MAN1C1: variants seen among roughly 807,000 people sequenced by gnomAD.
The protein encoded by MAN1C1 is mannosidase alpha class 1C member 1.
In MAN1C1, 49 loss-of-function variants were observed where a neutral mutation model predicts 71.5. The observed-to-expected ratio is 0.69, with a 90% CI of 0.54 to 0.87. MAN1C1 has a LOEUF of 0.87. Ranked by LOEUF, MAN1C1 falls within the 40% of genes least tolerant of loss-of-function variation. The probability of loss-of-function intolerance (pLI) is 0.00; values close to 1 mark genes in which losing one functional copy is unlikely to be tolerated. For missense variants in MAN1C1, 743 were observed against 835.0 expected, an observed-to-expected ratio of 0.89 and a Z score of 1.36; for synonymous variants, 352 against 343.7, an observed-to-expected ratio of 1.02 and a Z score of -0.27.
rs532429575 is a variant in MAN1C1 at position 25,644,375 on chromosome 1, G to A, written c.540+26038G>A. On this transcript the variant is annotated intron_variant, in intron 1 of 11. Transcript: ENST00000374332. ...TGGGAGACTGTGAGACATCTTGGAA[G>A]GGGGAGAGGAGTTTAATGCTAGGCG... is the stretch of plus-strand genomic sequence containing the variant. Among the ~76,000 whole-genome samples the A allele has an allele frequency of 8.6e-5, 13 of 151,530 alleles. No individual in the cohort carries two copies. The South Asian group carries it at 2.7e-3, about 32-fold the overall frequency.
chr1:25,671,544 A>G (rs1324982426), intron 1 of MAN1C1, among the ~76,000 whole-genome samples: 1 of 152,230 alleles, frequency 6.6e-6, no homozygotes, highest in Non-Finnish European at 1.5e-5. Context: ...AGGGGGCCGT[A>G]GGAGGATAGT....
intron 1 of MAN1C1, among the ~76,000 whole-genome samples, chr1:25,664,239 T>G (rs934014650): frequency 6.6e-6 from 1 of 151,658 alleles, no homozygotes; most frequent in African/African-American, 2.4e-5. Flanking sequence ...ATCCTGGCTT[T>G]TAAAATGTTC....
At position 25,730,458 on chromosome 1, in the gene MAN1C1, C is replaced by T. The variant is rs2046893586; in HGVS notation, c.638-16210C>T. Among the ~76,000 whole-genome samples, 1 of 151,512 alleles carries T rather than the reference C, an allele frequency of 6.6e-6. No homozygotes were observed. The highest frequency in any genetic ancestry group is 1.5e-5 in the Non-Finnish European group (1 of 67,950). ...CCTCGAAAACCTTAGCTGAGAATGA[C>T]AAATACTAGGGGCTTTAATTGTTCA... On this transcript the variant is annotated intron_variant, in intron 2 of 11. Coordinates refer to ENST00000374332, the MANE Select transcript of MAN1C1 (RefSeq NM_020379.4). This position sits in a 1 kb window ranked among gnomAD's most constrained non-coding sequence, Gnocchi z 4.3.
intron 2 of MAN1C1, among the ~76,000 whole-genome samples, chr1:25,702,992 C>T (rs1418967716): frequency 6.6e-6 from 1 of 152,208 alleles, no homozygotes; most frequent in Non-Finnish European, 1.5e-5. Context: ...ATCAGAATTG[C>T]CTGCAGGGCT....
intron 2 of MAN1C1, among the ~76,000 whole-genome samples, chr1:25,706,954 G>A (rs1407120679): frequency 6.6e-6 from 1 of 152,234 alleles, no homozygotes; most frequent in Non-Finnish European, 1.5e-5. Context: ...AGGGGCTGTA[G>A]GATTCCCACC....
intron 4 of MAN1C1, among the ~76,000 whole-genome samples, chr1:25,749,782 G>A (rs1405161400): frequency 6.6e-6 from 1 of 152,186 alleles, no homozygotes; most frequent in African/African-American, 2.4e-5. Flanking sequence ...TTTCACAAGT[G>A]TTGGTTCTTA....
At chr1:25,706,957 T>A (rs1033689637) in intron 2 of MAN1C1, among the ~76,000 whole-genome samples, 4 of 152,212 alleles carry the variant, frequency 2.6e-5, no homozygotes, top group African/African-American at 9.7e-5. Context: ...GGCTGTAGGA[T>A]TCCCACCTTA....
At chr1:25,742,852 G>A (rs1271372999) in intron 2 of MAN1C1, among the ~76,000 whole-genome samples, 2 of 152,246 alleles carry the variant, frequency 1.3e-5, no homozygotes, top group East Asian at 1.9e-4. Flanking sequence ...CCAAAGGTCC[G>A]AACCCTCCCA....
intron 2 of MAN1C1, among the ~76,000 whole-genome samples, chr1:25,734,987 T>G (rs2046961477): frequency 6.6e-6 from 1 of 152,118 alleles, no homozygotes; most frequent in Non-Finnish European, 1.5e-5. Context: ...TTGAGACGTG[T>G]GGGGACATTG....
At chr1:25,737,408 G>A (rs1022023343) in intron 2 of MAN1C1, among the ~76,000 whole-genome samples, 20 of 151,912 alleles carry the variant, frequency 1.3e-4, no homozygotes, top group African/African-American at 3.4e-4. Context: ...TCGCCCCCCC[G>A]ACAGGGATTT....
chr1:25,617,079 A>T lies in MAN1C1; in HGVS notation c.-719A>T, dbSNP rs1302612961. ...CCCAGCCGCGGCTCCGGACCCAGGC[A>T]TCCCTGCGCTGTCTGGGGCCCGGGG... is the stretch of plus-strand genomic sequence containing the variant. On this transcript the variant is annotated 5_prime_UTR_variant, in exon 1 of 12. Coordinates refer to ENST00000374332, the MANE Select transcript of MAN1C1 (RefSeq NM_020379.4). This position sits in a 1 kb window ranked among gnomAD's most constrained non-coding sequence, Gnocchi z 5.1. 6.6e-6 allele frequency among the ~76,000 whole-genome samples: 1 copy of T among 151,866 alleles called. No homozygotes were observed. The highest frequency in any genetic ancestry group is 2.4e-5 in the African/African-American group (1 of 41,396).
rs774931144 is a variant in MAN1C1 at position 25,753,421 on chromosome 1, T to C, written c.835-63T>C. On this transcript the variant is annotated intron_variant, in intron 4 of 11. Coordinates refer to ENST00000374332, the MANE Select transcript of MAN1C1 (RefSeq NM_020379.4). This position sits in a 1 kb window ranked among gnomAD's most constrained non-coding sequence, Gnocchi z 4.9. ...GGGGGTTCATCCTGCCTGCAGCAGT[T>C]CTGGGGTTGACCTTCCCTCACCCAG... The C allele has an allele frequency of 6.1e-6, 8 of 1,305,304 alleles. No homozygotes were observed. The highest frequency in any genetic ancestry group is 2.9e-5 in the African/African-American group (2 of 67,898). 80.9% of individuals were successfully genotyped at this position (1,305,304 alleles called of 1,614,324 possible).
chr1:25,711,382 C>T lies in MAN1C1; in HGVS notation c.637+24846C>T, dbSNP rs1216606761. On this transcript the variant is annotated intron_variant, in intron 2 of 11. Coordinates refer to ENST00000374332, the MANE Select transcript of MAN1C1 (RefSeq NM_020379.4). The surrounding 1 kb of genome is among the most constrained non-coding windows in gnomAD (Gnocchi z 4.3). ...TTTTTGCCTTCTATCACACCAGACT[C>T]CTTCCCACTCAGACATCTCTAAAGT... 6.6e-6 allele frequency among the ~76,000 whole-genome samples: 1 copy of T among 152,144 alleles called. No homozygotes were observed. Among genetic ancestry groups the T allele is most frequent in the Admixed American group, 6.5e-5 (1 of 15,270 alleles).
At chr1:25,649,005 C>T (rs944410040) in intron 1 of MAN1C1, among the ~76,000 whole-genome samples, 8 of 152,366 alleles carry the variant, frequency 5.3e-5, no homozygotes, top group Non-Finnish European at 8.8e-5. Context: ...CTGTCAGCAA[C>T]TGAACAGGGG....
intron 4 of MAN1C1, among the ~76,000 whole-genome samples, chr1:25,751,659 C>T (rs2047218004): frequency 6.6e-6 from 1 of 152,258 alleles, no homozygotes; most frequent in South Asian, 2.1e-4. Context: ...CCTCCCTGAG[C>T]CAGATGCCAT....
At position 25,783,962 on chromosome 1, in the gene MAN1C1, A is replaced by G. The variant is rs1188152441; in HGVS notation, c.*173A>G. On this transcript the variant is annotated 3_prime_UTR_variant, in exon 12 of 12. Transcript: ENST00000374332. ...GTGAGGAGACAAGACTTGGAGACTC[A>G]GCGATGTCAGGCCAGGGCCATGGCC... The G allele has an allele frequency of 4.8e-6, 4 of 838,760 alleles. No homozygotes were observed. The highest frequency in any genetic ancestry group is 1.8e-5 in the South Asian group (1 of 54,908). The allele number at this position is 838,760 out of a possible 1,614,324, so 52.0% of individuals were successfully genotyped here.
chr1:25,720,898 T>G (rs2046753731), intron 2 of MAN1C1, among the ~76,000 whole-genome samples: 1 of 152,248 alleles, frequency 6.6e-6, no homozygotes, highest in Admixed American at 6.5e-5. Context: ...GGATATCCAA[T>G]TGTTCCAGCA....
At position 25,778,225 on chromosome 1, in the gene MAN1C1, G is replaced by A. The variant is rs753090086; in HGVS notation, c.1378G>A (p.Ala460Thr). The A allele has an allele frequency of 2.0e-5, 33 of 1,613,900 alleles. 1 individual carries two copies. The East Asian group carries it at 6.7e-4, about 33-fold the overall frequency. The change falls in exon 9 of 12, where the codon GCC becomes ACC. Residue 460 changes from alanine (A) to threonine (T), a missense_variant. Transcript: ENST00000374332. The surrounding 1 kb of genome is among the most constrained non-coding windows in gnomAD (Gnocchi z 5.5). ...HLACFSGGMI[A>T]LGAEDAKEEK... The stretch of plus-strand genomic sequence containing the variant: ...GGCCTGTTTCTCCGGGGGCATGATC[G>A]CCCTTGGCGCCGAGGATGCCAAGGA...
Position 25,782,518 on chromosome 1 carries a change from C to T in MAN1C1, c.1651-67C>T. On this transcript the variant is annotated intron_variant, in intron 10 of 11. Transcript: ENST00000374332. The surrounding 1 kb of genome is among the most constrained non-coding windows in gnomAD (Gnocchi z 4.4). ...CTAGCTCCAGCCTGCCAGGCATGCA[C>T]AAGTCTTGAGGGGCCTTTCCTGTCC... 1 of 1,083,716 alleles carries T rather than the reference C, an allele frequency of 9.2e-7. No individual in the cohort carries two copies. Among genetic ancestry groups the T allele is most frequent in the South Asian group, 1.3e-5 (1 of 77,458 alleles). The allele number at this position is 1,083,716 out of a possible 1,614,324, so 67.1% of individuals were successfully genotyped here. A position where few individuals can be genotyped will look rare whatever the true frequency, so the allele number is the denominator to read the frequency against.
Sources: gnomAD v4.1 joint callset for allele counts (sites outside exome capture counted in the v4.1 genomes callset) on GRCh38, gnomAD v4.1.1 for gene constraint, Gnocchi (gnomAD v3.1) non-coding constraint, MANE v1.5 for transcripts, NCBI Gene and HGNC (gene_info 2026-07-23, HGNC 2026-07-21) for gene names.